The following CFAP65 variants were observed in gnomAD, a reference collection of about 807,000 sequenced individuals.
CFAP65 encodes the protein cilia and flagella associated protein 65.
CFAP65 carries 155 observed loss-of-function variants against 208.0 expected under a neutral mutation model. That is an observed-to-expected ratio of 0.75 (90% confidence interval 0.65 to 0.85). The LOEUF (loss-of-function observed/expected upper bound fraction) is 0.85. Among genes scored for constraint, CFAP65 ranks in the 40% least tolerant of loss-of-function variants. The pLI, the probability that CFAP65 is intolerant of heterozygous loss-of-function variation, is 0.00. For synonymous variants in CFAP65, 970 were observed against 986.3 expected (o/e 0.98, Z 0.31); for missense variants, 2,294 against 2,451.3 (o/e 0.94, Z 1.36).
Position 219,003,399 on chromosome 2 carries a change from A to G in CFAP65, c.5556-127T>C. On this transcript the variant is annotated intron_variant, in intron 33 of 34. Coordinates refer to ENST00000341552, the MANE Select transcript of CFAP65 (RefSeq NM_194302.4). This position sits in a 1 kb window ranked among gnomAD's most constrained non-coding sequence, Gnocchi z 4.4. ...TCCCATTCGACTCCCCTCATCCACT[A>G]CACTATGGGGCATTCTTGTTTCAAT... is the stretch of plus-strand genomic sequence containing the variant. 1 of 1,161,680 alleles carries G rather than the reference A, an allele frequency of 8.6e-7. No individual in the cohort carries two copies. 72.0% of individuals were successfully genotyped at this position (1,161,680 alleles called of 1,614,324 possible).
At position 219,004,290 on chromosome 2, in the gene CFAP65, C is replaced by A. The variant is rs1366370378; in HGVS notation, c.5217G>T (p.Glu1739Asp). Residue 1739 changes from glutamate (E) to aspartate (D), a missense_variant, in exon 33 of 35, where the codon GAG becomes GAT. Around this residue, in one of 2 missense-constraint regions of CFAP65, gnomAD observed 1,427 missense variants for 1,438.7 expected, o/e 0.99. Transcript: ENST00000341552. The surrounding 1 kb of genome is among the most constrained non-coding windows in gnomAD (Gnocchi z 4.7). ...CCTTCGGCTGCTTGCCCTTCCCATC[C>A]TCCCAGCTGCTGGAGGGTACAGGCA... ...PILPVPSSSW[E>D]DGKGKQPKED... 3.1e-6 allele frequency: 5 copies of A among 1,614,052 alleles called. No homozygotes were observed. Among genetic ancestry groups the A allele is most frequent in the Admixed American group, 1.7e-5 (1 of 60,002 alleles).
rs1947986248 is a variant in CFAP65, at chr2:219,031,038, C to T, written c.1015+68G>A. The stretch of plus-strand genomic sequence containing the variant: ...CAGGCCAGATGGGAGGTGGGGGACA[C>T]TGAGGCCTGGAGGACCCAGAAGGTG... On this transcript the variant is annotated intron_variant, in intron 8 of 34. Coordinates refer to ENST00000341552, the MANE Select transcript of CFAP65 (RefSeq NM_194302.4). The surrounding 1 kb of genome is among the most constrained non-coding windows in gnomAD (Gnocchi z 5.2). 2 of 1,510,552 alleles carry T rather than the reference C, an allele frequency of 1.3e-6. No homozygotes were observed. The highest frequency in any genetic ancestry group is 1.8e-6 in the Non-Finnish European group (2 of 1,118,292). The allele number at this position is 1,510,552 out of a possible 1,614,324, so 93.6% of individuals were successfully genotyped here. A position where few individuals can be genotyped will look rare whatever the true frequency, so the allele number is the denominator to read the frequency against.
chr2:219,011,133 G>A, intron 24 of CFAP65, 137 bp from the exon 25 acceptor site: 1 of 682,780 alleles, frequency 1.5e-6, no homozygotes, highest in East Asian at 2.7e-5. Flanking sequence ...CTCCCGTGTG[G>A]CTTGATCACT....
chr2:219,034,883 G>A (rs1276479065), intron 5 of CFAP65: 1 of 154,142 alleles, frequency 6.5e-6, no homozygotes, highest in Non-Finnish European at 1.4e-5. Flanking sequence ...TAAGGATGTG[G>A]AGGAATGGGA....
intron 2 of CFAP65, among the ~76,000 whole-genome samples, chr2:219,040,058 G>T (rs569511335): frequency 2.0e-5 from 3 of 150,936 alleles, no homozygotes; most frequent in Admixed American, 6.6e-5. Flanking sequence ...ATTTAAGACA[G>T]ACTCTCATTC....
At chr2:219,027,144 C>A (rs1248196181) in intron 13 of CFAP65, 3 of 1,137,404 alleles carry the variant, frequency 2.6e-6, no homozygotes, top group African/African-American at 3.2e-5. Flanking sequence ...GGGGGCACCA[C>A]GCATCTGGGG....
Position 219,030,163 on chromosome 2 carries a change from C to T in CFAP65, c.1207G>A (p.Glu403Lys), listed in dbSNP as rs773282060. ...RIEISPDELA[E>K]DQAFSCPTAH... is the part of the protein sequence containing the mutation. ...GTGGGGCATGAGAAGGCCTGGTCTTCGGCCAGTTCATCCGGGGAAATTTCA... is the reference window on the plus strand; with the variant it reads ...GTGGGGCATGAGAAGGCCTGGTCTTTGGCCAGTTCATCCGGGGAAATTTCA... Residue 403 changes from glutamate to lysine, a missense_variant, in exon 10 of 35, where the codon GAA becomes AAA. This residue lies in a region of CFAP65 where 867 missense variants were observed against 1,012.6 expected (regional missense o/e 0.86). Transcript: ENST00000341552. The T allele has an allele frequency of 6.9e-5, 111 of 1,614,014 alleles. No individual in the cohort carries two copies. Among genetic ancestry groups the T allele is most frequent in the South Asian group, 5.4e-4 (49 of 91,088 alleles).
intron 14 of CFAP65, among the ~76,000 whole-genome samples, chr2:219,024,476 G>C (rs975485281): frequency 6.5e-5 from 4 of 61,594 alleles, no homozygotes; most frequent in South Asian, 6.1e-4. Context: ...AGAAAGGGGC[G>C]GGGGGGGGGC....
chr2:219,024,483 GGGCA>G lies in CFAP65; in HGVS notation c.2350-227_2350-224del, dbSNP rs1210667103. Among the ~76,000 whole-genome samples the G allele has an allele frequency of 5.5e-3, 741 of 134,318 alleles. 31 individuals carry two copies. The highest frequency in any genetic ancestry group is 0.019 in the African/African-American group (669 of 35,908). 88.1% of individuals were successfully genotyped at this position (134,318 alleles called of 152,430 possible). A position where few individuals can be genotyped will look rare whatever the true frequency, so the allele number is the denominator to read the frequency against. On this transcript the variant is annotated intron_variant, in intron 14 of 34. Coordinates refer to ENST00000341552, the MANE Select transcript of CFAP65 (RefSeq NM_194302.4). ...AGACCTCCAGAAAGGGGCGGGGGGG[GGGCA>G]GGGGGGCGGGGGCACAGGCCCCTGG...
At position 219,035,511 on chromosome 2, in the gene CFAP65, G is replaced by A. The variant is rs201531418; in HGVS notation, c.511C>T (p.Arg171Ter). ...TTCATCTTCTGGAGTTTCAAGGATC[G>A]ATTTTTCAGAACCAGATTCCTTGTG... is the stretch of plus-strand genomic sequence containing the variant. ...ETTRNLVLKN[R>*]SLKLQKMKYR... is the part of the protein sequence containing the mutation. Residue 171 changes from arginine to a stop codon, truncating the protein, a stop_gained, in exon 5 of 35, where the codon CGA becomes TGA. Transcript: ENST00000341552. LOFTEE classifies it high-confidence loss of function. 1.5e-4 allele frequency: 245 copies of A among 1,614,018 alleles called. No individual in the cohort carries two copies. Among genetic ancestry groups the A allele is most frequent in the Admixed American group, 2.0e-4 (12 of 60,006 alleles).
intron 24 of CFAP65, 106 bp from the exon 25 acceptor site, chr2:219,011,102 G>T: frequency 9.6e-7 from 1 of 1,038,494 alleles, no homozygotes; most frequent in Non-Finnish European, 1.4e-6. Context: ...TCTCCATGAT[G>T]TCACCCTTTG....
At chr2:219,013,151 A>T in intron 24 of CFAP65, 108 bp downstream of exon 24, 3 of 792,000 alleles carry the variant, frequency 3.8e-6, no homozygotes, top group Non-Finnish European at 6.4e-6. Flanking sequence ...CCAGCCCCTC[A>T]ATGCTTCCAG....
intron 21 of CFAP65, chr2:219,018,158 C>G (rs920129501): frequency 6.6e-6 from 1 of 152,298 alleles, no homozygotes; most frequent in Non-Finnish European, 1.5e-5. Flanking sequence ...CATTCTCCCC[C>G]ACTCACTGCC....
At chr2:219,006,275 T>A in intron 30 of CFAP65, 52 bp from the exon 31 acceptor site, 1 of 1,557,724 alleles carries the variant, frequency 6.4e-7, no homozygotes, top group Non-Finnish European at 8.8e-7. Context: ...CACATTCACA[T>A]CACCAATGGG....
chr2:219,011,074 T>C, intron 24 of CFAP65, 78 bp from the exon 25 acceptor site: 2 of 1,353,672 alleles, frequency 1.5e-6, no homozygotes, highest in Non-Finnish European at 2.0e-6. Context: ...CTGTGCCCAC[T>C]GTGGGAGGGC....
Position 219,013,893 on chromosome 2 carries a change from C to T in CFAP65, c.3754G>A (p.Glu1252Lys), listed in dbSNP as rs1946659840. ...CTGTATTTTAACTCCACCATCTGCT[C>T]CTGCCCAGGACTCAGGCTCCCAGCC... ...PKAGSLSPGQ[E>K]QMVELKYSHL... The change falls in exon 22 of 35, where the codon GAG (glutamate) becomes AAG (lysine). Residue 1252 changes from glutamate to lysine, a missense_variant. By Grantham distance (56) the Glu-to-Lys change is moderately conservative. This residue lies in a region of CFAP65 where 1,427 missense variants were observed against 1,438.7 expected (regional missense o/e 0.99). Transcript: ENST00000341552. The T allele has an allele frequency of 6.2e-7, 1 of 1,610,090 alleles. No homozygotes were observed. Among genetic ancestry groups the T allele is most frequent in the South Asian group, 1.1e-5 (1 of 90,550 alleles).
At chr2:219,037,031 A>G (rs1199804901) in intron 4 of CFAP65, among the ~76,000 whole-genome samples, 1 of 152,130 alleles carries the variant, frequency 6.6e-6, no homozygotes, top group African/African-American at 2.4e-5. Context: ...ATTTACTATA[A>G]TATCAGTTGG....
Position 219,027,927 on chromosome 2 carries a change from G to C in CFAP65, c.1934C>G (p.Thr645Ser), listed in dbSNP as rs752736842. Reference sequence around the variant, plus strand: ...TACACTGATGGGCGGGGGGAAGATGGTTATGTCGCTGGTGCCGTCGAAGAA... The same window carrying C: ...TACACTGATGGGCGGGGGGAAGATGCTTATGTCGCTGGTGCCGTCGAAGAA... ...EFFFDGTSDI[T>S]IFPPPISVEP... The change falls in exon 13 of 35, where the codon ACC (threonine) becomes AGC (serine). Residue 645 changes from threonine to serine, a missense_variant. By Grantham distance (58) the Thr-to-Ser change is moderately conservative. Coordinates refer to ENST00000341552, the MANE Select transcript of CFAP65 (RefSeq NM_194302.4). 5 of 1,523,294 alleles carry C rather than the reference G, an allele frequency of 3.3e-6. No individual in the cohort carries two copies. The highest frequency in any genetic ancestry group is 1.3e-5 in the South Asian group (1 of 75,772). The allele number at this position is 1,523,294 out of a possible 1,614,324, so 94.4% of individuals were successfully genotyped here.
At chr2:219,013,065 A>G (rs971124696) in intron 24 of CFAP65, among the ~76,000 whole-genome samples, 194 bp downstream of exon 24, 2 of 152,192 alleles carry the variant, frequency 1.3e-5, no homozygotes, top group African/African-American at 4.8e-5. Context: ...AGGGCTTAGC[A>G]CCAGGAACTA....
Sources: gnomAD v4.1 joint callset for allele counts (sites outside exome capture counted in the v4.1 genomes callset) on GRCh38, gnomAD v4.1.1 for gene constraint, gnomAD v4.1.1 regional missense constraint, Gnocchi (gnomAD v3.1) non-coding constraint, MANE v1.5 for transcripts, NCBI Gene and HGNC (gene_info 2026-07-23, HGNC 2026-07-21) for gene names.